The following KIAA1217 variants were observed in gnomAD, a reference collection of about 807,000 sequenced individuals.
KIAA1217 encodes KIAA1217, also known as sickle tail protein homolog.
In KIAA1217, 88 loss-of-function variants were observed where a neutral mutation model predicts 163.9. The observed-to-expected ratio is 0.54, with a 90% CI of 0.45 to 0.64. KIAA1217 has a LOEUF of 0.64. Ranked by LOEUF, KIAA1217 falls within the 30% of genes least tolerant of loss-of-function variation. The probability of loss-of-function intolerance (pLI) is 0.00; values close to 1 mark genes in which losing one functional copy is unlikely to be tolerated. For missense variants in KIAA1217, 2,372 were observed against 2,475.0 expected, an observed-to-expected ratio of 0.96 and a Z score of 0.88; for synonymous variants, 903 against 923.1, an observed-to-expected ratio of 0.98 and a Z score of 0.39.
chr10:23,909,807 C>A (rs1166308430), intron 1 of KIAA1217, among the ~76,000 whole-genome samples: 1 of 152,062 alleles, frequency 6.6e-6, no homozygotes, highest in Non-Finnish European at 1.5e-5. Flanking sequence ...GGGTATATAC[C>A]CAGTAATGGG....
At position 23,854,644 on chromosome 10, in the gene KIAA1217, A is replaced by T. The variant is rs959092861; in HGVS notation, c.-320-152581A>T. Among the ~76,000 whole-genome samples the T allele has an allele frequency of 3.9e-5, 6 of 152,046 alleles. No homozygotes were observed. In the South Asian group the frequency reaches 8.3e-4, roughly 21 times the overall value. ...AAGTCTCCCATTATTATCGTGTGGG[A>T]GTCTAAGTCTCTTTGTAGTTCACTC... is the stretch of plus-strand genomic sequence containing the variant. On this transcript the variant is annotated intron_variant, in intron 1 of 18. Coordinates refer to the KIAA1217 transcript ENST00000376462.
At chr10:24,487,140 G>A (rs60830549) in intron 6 of KIAA1217, among the ~76,000 whole-genome samples, 6,992 of 152,170 alleles carry the variant, frequency 0.046, 413 homozygotes, top group African/African-American at 0.14. Context: ...TTCTCCCTCC[G>A]GATAAATTCT....
rs532558888 is a variant in KIAA1217 at position 23,885,315 on chromosome 10, G to A, written c.-320-121910G>A. 7.2e-5 allele frequency among the ~76,000 whole-genome samples: 11 copies of A among 151,848 alleles called. 1 individual carries two copies. The South Asian group carries it at 1.5e-3, about 20-fold the overall frequency. ...CTCTCTTAGCAGATTTAAACTCTAC[G>A]GTACAATATTATTAAGTATAGTCCT... On this transcript the variant is annotated intron_variant, in intron 1 of 18. Coordinates refer to the KIAA1217 transcript ENST00000376462.
intron 9 of KIAA1217, among the ~76,000 whole-genome samples, chr10:24,505,537 G>A (rs768840666): frequency 6.6e-6 from 1 of 152,012 alleles, no homozygotes; most frequent in South Asian, 2.1e-4. Context: ...CATATCTACA[G>A]AAGTGACTGC....
chr10:23,858,483 A>G (rs1451773562), intron 1 of KIAA1217, among the ~76,000 whole-genome samples: 1 of 152,096 alleles, frequency 6.6e-6, no homozygotes, highest in Non-Finnish European at 1.5e-5. Flanking sequence ...ATATACATAC[A>G]TATAAATATA....
chr10:24,380,426 G>A (rs1260544569), intron 2 of KIAA1217, among the ~76,000 whole-genome samples: 8 of 152,038 alleles, frequency 5.3e-5, no homozygotes, highest in African/African-American at 1.9e-4. Context: ...AGGAGTTCAA[G>A]AGTACTCAAA....
chr10:23,804,810 T>C lies in KIAA1217; in HGVS notation c.-321+109576T>C, dbSNP rs147302788. Among the ~76,000 whole-genome samples the C allele has an allele frequency of 6.6e-4, 100 of 152,326 alleles. 1 individual carries two copies. Among genetic ancestry groups the C allele is most frequent in the African/African-American group, 2.2e-3 (93 of 41,588 alleles). On this transcript the variant is annotated intron_variant, in intron 1 of 18. Coordinates refer to the KIAA1217 transcript ENST00000376462. The stretch of plus-strand genomic sequence containing the variant: ...GACTATATTGCTCCTATTAGTCTGC[T>C]AGTCAACTGGCCCAATCATCATGTA...
intron 2 of KIAA1217, among the ~76,000 whole-genome samples, chr10:24,107,988 T>G (rs1194579754): frequency 6.6e-6 from 1 of 152,160 alleles, no homozygotes; most frequent in Non-Finnish European, 1.5e-5. Flanking sequence ...GATGGGGTTG[T>G]CCAGGTAAAG....
At chr10:24,533,427 G>A (rs1005109149) in intron 16 of KIAA1217, among the ~76,000 whole-genome samples, 190 bp downstream of exon 16, 2 of 152,230 alleles carry the variant, frequency 1.3e-5, no homozygotes, top group African/African-American at 4.8e-5. Context: ...ATGCCTATAA[G>A]ATGTGCAAGG....
At position 23,823,892 on chromosome 10, in the gene KIAA1217, G is replaced by T. The variant is rs896805151; in HGVS notation, c.-321+128658G>T. ...AAAGTTGCATAGATGGAGAAGAAAA[G>T]AGCCACAGAAAGACAAAGAGGGAGG... On this transcript the variant is annotated intron_variant, in intron 1 of 18. Coordinates refer to the KIAA1217 transcript ENST00000376462. Among the ~76,000 whole-genome samples, 53 of 151,830 alleles carry T rather than the reference G, an allele frequency of 3.5e-4. 1 individual carries two copies. Among genetic ancestry groups the T allele is most frequent in the African/African-American group, 1.3e-3 (53 of 41,380 alleles).
chr10:23,766,639 A>T (rs1267411014), intron 1 of KIAA1217, among the ~76,000 whole-genome samples: 1 of 137,508 alleles, frequency 7.3e-6, no homozygotes, highest in African/African-American at 2.9e-5. Context: ...CTCAGGCTGG[A>T]GTGCAATGGC....
intron 1 of KIAA1217, among the ~76,000 whole-genome samples, chr10:23,940,388 A>G (rs1843709364): frequency 7.4e-6 from 1 of 135,506 alleles, no homozygotes. Flanking sequence ...TGAACCTGGG[A>G]GGCGGAGTTT....
intron 2 of KIAA1217, among the ~76,000 whole-genome samples, chr10:24,026,604 A>G (rs1847948834): frequency 6.6e-6 from 1 of 151,704 alleles, no homozygotes; most frequent in Admixed American, 6.6e-5. Flanking sequence ...CATTCCTGAT[A>G]TTCATAATCT....
chr10:23,943,016 T>C (rs576612197), intron 1 of KIAA1217, among the ~76,000 whole-genome samples: 2 of 151,630 alleles, frequency 1.3e-5, no homozygotes, highest in Non-Finnish European at 2.9e-5. Flanking sequence ...CCCCAGCTAC[T>C]CAAGAGGCTG....
intron 2 of KIAA1217, among the ~76,000 whole-genome samples, chr10:24,185,879 G>C (rs1286543665): frequency 6.6e-6 from 1 of 151,752 alleles, no homozygotes; most frequent in Non-Finnish European, 1.5e-5. Flanking sequence ...CAGGAGAATC[G>C]CTGGAACCTG....
intron 2 of KIAA1217, among the ~76,000 whole-genome samples, chr10:24,063,443 T>C (rs1404341891): frequency 6.6e-6 from 1 of 152,166 alleles, no homozygotes; most frequent in Non-Finnish European, 1.5e-5. Context: ...AAAGATCAGA[T>C]AGTTGTAGAT....
rs571983931 is a variant in KIAA1217 at position 24,307,236 on chromosome 10, C to G, written c.355-73633C>G. 3.3e-5 allele frequency among the ~76,000 whole-genome samples: 5 copies of G among 152,252 alleles called. No individual in the cohort carries two copies. In the East Asian group the frequency reaches 9.7e-4, roughly 29 times the overall value. On this transcript the variant is annotated intron_variant, in intron 2 of 20. Coordinates refer to ENST00000376454, the MANE Select transcript of KIAA1217 (RefSeq NM_019590.5). ...GACTGACTTGCGAATATGATTTCTCCTTTTTTCTTAGCTCCGGGTTGAGCT... is the reference window on the plus strand; with the variant it reads ...GACTGACTTGCGAATATGATTTCTCGTTTTTTCTTAGCTCCGGGTTGAGCT...
chr10:24,215,684 C>T (rs2068722998), intron 1 of KIAA1217, among the ~76,000 whole-genome samples: 1 of 152,202 alleles, frequency 6.6e-6, no homozygotes, highest in African/African-American at 2.4e-5. Flanking sequence ...TGTTGCTTCT[C>T]CCCCAGGTGT....
At chr10:24,389,550 T>TA (rs113154724) in intron 3 of KIAA1217, among the ~76,000 whole-genome samples, 2,959 of 138,390 alleles carry the variant, frequency 0.021, 114 homozygotes, top group African/African-American at 0.07. Context: ...TAAAGTATAA[T>TA]AAAAAAAAAA....
Sources: gnomAD v4.1 joint callset for allele counts (sites outside exome capture counted in the v4.1 genomes callset) on GRCh38, gnomAD v4.1.1 for gene constraint, MANE v1.5 for transcripts, NCBI Gene and HGNC (gene_info 2026-07-23, HGNC 2026-07-21) for gene names.